The following SOX5 variants were observed in gnomAD, a reference collection of about 807,000 sequenced individuals.
SOX5 encodes the protein transcription factor SOX-5.
SOX5 carries 9 observed loss-of-function variants against 92.0 expected under a neutral mutation model. The ratio of observed to expected loss-of-function variants is 0.10; its 90% CI spans 0.06 to 0.17. SOX5 has a LOEUF of 0.17. Among genes scored for constraint, SOX5 ranks in the 10% least tolerant of loss-of-function variants. The pLI is 1.00. For synonymous variants in SOX5, 344 were observed against 336.3 expected (o/e 1.02, Z -0.25); for missense variants, 642 against 944.5 (o/e 0.68, Z 4.20).
At chr12:23,845,899 A>C (rs1568292565) in intron 3 of SOX5, 84 bp downstream of exon 3, 2 of 1,158,900 alleles carry the variant, frequency 1.7e-6, no homozygotes, top group Non-Finnish European at 1.3e-6. Flanking sequence ...TAAGAGTATA[A>C]ATCAAAAAAC....
chr12:24,027,865 G>A (rs10842260), intron 4 of SOX5, among the ~76,000 whole-genome samples: 67,203 of 151,594 alleles, frequency 0.44, 15,498 homozygotes, highest in African/African-American at 0.52. Flanking sequence ...TTGAAAATGC[G>A]AAACCAGTCA....
intron 3 of SOX5, among the ~76,000 whole-genome samples, chr12:23,810,735 T>C (rs981489924): frequency 1.3e-5 from 2 of 152,164 alleles, no homozygotes; most frequent in South Asian, 2.1e-4. Flanking sequence ...CTGGTTTCTA[T>C]AATGTATCTC....
intron 1 of SOX5, among the ~76,000 whole-genome samples, chr12:24,436,839 A>G (rs143043457): frequency 2.2e-4 from 34 of 152,256 alleles, no homozygotes; most frequent in Admixed American, 2.6e-4. Context: ...GCACCTGGTG[A>G]CTCTAAGTGA....
At chr12:24,440,913 T>A (rs1940446185) in intron 1 of SOX5, among the ~76,000 whole-genome samples, 1 of 152,126 alleles carries the variant, frequency 6.6e-6, no homozygotes, top group Admixed American at 6.6e-5. Context: ...TATAGGGAAA[T>A]TATTGGATAT....
intron 2 of SOX5, among the ~76,000 whole-genome samples, chr12:24,314,707 T>C (rs1949541412): frequency 6.6e-6 from 1 of 152,184 alleles, no homozygotes; most frequent in African/African-American, 2.4e-5. Flanking sequence ...TGTCCTTCTA[T>C]TCACTCCTTC....
Position 23,937,929 on chromosome 12 carries a change from G to A in SOX5, c.38+11635C>T, listed in dbSNP as rs140569030. 3.2e-3 allele frequency among the ~76,000 whole-genome samples: 481 copies of A among 150,504 alleles called. 1 individual carries two copies. The highest frequency in any genetic ancestry group is 0.012 in the African/African-American group (475 of 41,262). ...AATGCCTATAGTCACAAACTTAAGT[G>A]CCAAGCAGATGGTTGAAATCTGTTT... On this transcript the variant is annotated intron_variant, in intron 1 of 14. Coordinates refer to ENST00000451604, the MANE Select transcript of SOX5 (RefSeq NM_006940.6).
At position 23,877,896 on chromosome 12, in the gene SOX5, T is replaced by TA. The variant is rs1267564304; in HGVS notation, c.270+17896dup. ...ATTTGTGTTTTCATTTATTAGTATA[T>TA]AAAAAAGTTTATCTAGTTTTCTCAC... On this transcript the variant is annotated intron_variant, in intron 2 of 14. Coordinates refer to ENST00000451604, the MANE Select transcript of SOX5 (RefSeq NM_006940.6). Among the ~76,000 whole-genome samples, 7 of 152,156 alleles carry TA rather than the reference T, an allele frequency of 4.6e-5. No homozygotes were observed. In the East Asian group the frequency reaches 1.2e-3, roughly 25 times the overall value.
chr12:23,809,313 C>T (rs2095835094), intron 3 of SOX5, among the ~76,000 whole-genome samples: 1 of 152,016 alleles, frequency 6.6e-6, no homozygotes, highest in Non-Finnish European at 1.5e-5. Flanking sequence ...CCTTCTATTA[C>T]ATTTTTCACT....
intron 2 of SOX5, among the ~76,000 whole-genome samples, chr12:24,337,423 C>G (rs568325639): frequency 6.6e-6 from 1 of 151,610 alleles, no homozygotes; most frequent in Non-Finnish European, 1.5e-5. Context: ...TCACTGCAAC[C>G]TCTGCCTCCC....
chr12:24,208,374 C>A (rs907502520), intron 4 of SOX5, among the ~76,000 whole-genome samples: 1 of 152,196 alleles, frequency 6.6e-6, no homozygotes, highest in African/African-American at 2.4e-5. Context: ...GCATAAGATT[C>A]AAAGTCTTCT....
intron 2 of SOX5, among the ~76,000 whole-genome samples, chr12:24,318,676 G>T (rs1368152001): frequency 2.0e-5 from 3 of 152,068 alleles, no homozygotes. Context: ...AAATAATAAT[G>T]GTACCCAACT....
At chr12:23,700,393 T>C (rs572983299) in intron 6 of SOX5, among the ~76,000 whole-genome samples, 2 of 152,274 alleles carry the variant, frequency 1.3e-5, no homozygotes, top group East Asian at 3.9e-4. Flanking sequence ...CTTAAACTTC[T>C]CATTTTTCTC....
At chr12:23,879,331 A>G (rs1595313544) in intron 2 of SOX5, among the ~76,000 whole-genome samples, 1 of 16,382 alleles carries the variant, frequency 6.1e-5, no homozygotes, top group Admixed American at 6.7e-4. Context: ...TAATCTGATG[A>G]AAAAAAAACT....
chr12:24,051,245 G>T (rs1244582418), intron 4 of SOX5, among the ~76,000 whole-genome samples: 1 of 152,016 alleles, frequency 6.6e-6, no homozygotes, highest in Non-Finnish European at 1.5e-5. Context: ...GACTAGAAAA[G>T]AATGTTTTTT....
chr12:23,682,327 C>A (rs2086757210), intron 6 of SOX5, among the ~76,000 whole-genome samples: 1 of 151,682 alleles, frequency 6.6e-6, no homozygotes, highest in Admixed American at 6.6e-5. Flanking sequence ...GTGGTTTTGC[C>A]TTTAACTTTA....
chr12:24,273,801 A>G (rs1460583441), intron 3 of SOX5, among the ~76,000 whole-genome samples: 1 of 152,176 alleles, frequency 6.6e-6, no homozygotes, highest in Non-Finnish European at 1.5e-5. Context: ...TTGCTTTTAT[A>G]ATATGTTCAT....
intron 2 of SOX5, among the ~76,000 whole-genome samples, chr12:24,363,401 G>A (rs1363302771): frequency 2.0e-5 from 3 of 152,060 alleles, no homozygotes; most frequent in Admixed American, 1.3e-4. Flanking sequence ...CAATTTGATT[G>A]CCTCTGTATA....
intron 2 of SOX5, among the ~76,000 whole-genome samples, chr12:24,347,869 G>A (rs765588105): frequency 5.3e-5 from 8 of 152,080 alleles, no homozygotes; most frequent in Non-Finnish European, 2.9e-5. Flanking sequence ...TGAAATCACT[G>A]TAGTAAGGAT....
intron 1 of SOX5, among the ~76,000 whole-genome samples, chr12:24,395,675 AG>A (rs1959738692): frequency 6.6e-6 from 1 of 152,234 alleles, no homozygotes; most frequent in African/African-American, 2.4e-5. Flanking sequence ...AAGCATAGCC[AG>A]GGTTGAGATC....
Sources: allele counts gnomAD v4.1 joint callset (sites outside exome capture counted in the v4.1 genomes callset), GRCh38; gene constraint gnomAD v4.1.1; transcripts MANE v1.5; gene names NCBI Gene and HGNC (gene_info 2026-07-23, HGNC 2026-07-21).